Variants in SMAD3 observed in about 807,000 individuals in gnomAD.
SMAD3 encodes SMAD family member 3, also known as MAD homolog 3.
A neutral mutation model predicts 51.8 loss-of-function variants in SMAD3; 12 were observed. The observed-to-expected ratio is 0.23, with a 90% CI of 0.15 to 0.38. The LOEUF (loss-of-function observed/expected upper bound fraction) is 0.38. Ranked by LOEUF, SMAD3 falls within the 10% of genes least tolerant of loss-of-function variation. SMAD3 has a pLI of 1.00. For missense variants in SMAD3, 294 were observed against 565.6 expected (o/e 0.52, Z 4.87); for synonymous variants, 238 against 227.7 (o/e 1.05, Z -0.41).
intron 1 of SMAD3, among the ~76,000 whole-genome samples, chr15:67,082,368 G>A (rs1225075084): frequency 6.6e-6 from 1 of 152,152 alleles, no homozygotes; most frequent in African/African-American, 2.4e-5. Flanking sequence ...CCCTCCACCA[G>A]TCTTATTTTC....
At chr15:67,091,183 G>C (rs1185524155) in intron 1 of SMAD3, among the ~76,000 whole-genome samples, 2 of 152,232 alleles carry the variant, frequency 1.3e-5, no homozygotes, top group Non-Finnish European at 2.9e-5. Context: ...TGGTGGGCAT[G>C]GCTGAACCAA....
At chr15:67,070,198 C>T (rs538545889) in intron 1 of SMAD3, among the ~76,000 whole-genome samples, 1 of 152,246 alleles carries the variant, frequency 6.6e-6, no homozygotes, top group African/African-American at 2.4e-5. Context: ...CCGTGTGGCC[C>T]ATTGGAAGCA....
At chr15:67,131,476 G>A (rs1595918017) in intron 1 of SMAD3, among the ~76,000 whole-genome samples, 3 of 152,316 alleles carry the variant, frequency 2.0e-5, no homozygotes, top group South Asian at 2.1e-4. Flanking sequence ...ACTTTTAGGA[G>A]CAATCACAGT....
intron 1 of SMAD3, among the ~76,000 whole-genome samples, chr15:67,141,435 A>C (rs1335391069): frequency 1.3e-5 from 2 of 152,140 alleles, no homozygotes; most frequent in Non-Finnish European, 2.9e-5. Flanking sequence ...AATGTTGGGG[A>C]AAGACCTGGG....
chr15:67,181,936 A>G (rs71400361), intron 6 of SMAD3, among the ~76,000 whole-genome samples: 6,105 of 152,026 alleles, frequency 0.04, 207 homozygotes, highest in South Asian at 0.18. Flanking sequence ...CAGGCACCCA[A>G]CCACCACGCC....
intron 7 of SMAD3, 112 bp from the exon 8 acceptor site, chr15:67,187,253 G>A (rs1424178249): frequency 8.0e-7 from 1 of 1,251,926 alleles, no homozygotes; most frequent in East Asian, 2.3e-5. Flanking sequence ...TGTGTCCCTG[G>A]AGCTGTATAA....
At chr15:67,116,693 G>C (rs1961142819) in intron 1 of SMAD3, among the ~76,000 whole-genome samples, 1 of 152,196 alleles carries the variant, frequency 6.6e-6, no homozygotes, top group South Asian at 2.1e-4. Flanking sequence ...GGACCTAAAT[G>C]GGCACAGTGA....
intron 6 of SMAD3, among the ~76,000 whole-genome samples, chr15:67,183,994 C>T (rs1465683049): frequency 6.6e-6 from 1 of 151,840 alleles, no homozygotes; most frequent in Non-Finnish European, 1.5e-5. Flanking sequence ...GTGAAGAGAC[C>T]AAATAATAGT....
At chr15:67,116,374 G>T (rs1234033630) in intron 1 of SMAD3, among the ~76,000 whole-genome samples, 1 of 152,232 alleles carries the variant, frequency 6.6e-6, no homozygotes, top group Non-Finnish European at 1.5e-5. Flanking sequence ...AGGCCTTCAA[G>T]GCTTGTAGAA....
At chr15:67,184,970 T>G in intron 7 of SMAD3, 106 bp downstream of exon 7, 1 of 1,421,598 alleles carries the variant, frequency 7.0e-7, no homozygotes, top group Non-Finnish European at 9.9e-7. Context: ...CACTCATGAT[T>G]GCGTTGTCAA....
At chr15:67,096,303 C>G (rs747590876) in intron 1 of SMAD3, among the ~76,000 whole-genome samples, 1 of 152,194 alleles carries the variant, frequency 6.6e-6, no homozygotes, top group African/African-American at 2.4e-5. Flanking sequence ...AGAATGGACA[C>G]ATAGCGAGAA....
In SMAD3 at chr15:67,192,072, A is replaced by T; in HGVS notation, c.*1536A>T. 1 of 232,470 alleles carries T rather than the reference A, an allele frequency of 4.3e-6. No individual in the cohort carries two copies. 14.4% of individuals were successfully genotyped at this position (232,470 alleles called of 1,614,324 possible). ...ATGACCTATCCCACGTTTTTGCATG[A>T]ATTTATAGCAGGAAAAATCAAGGGA... On this transcript the variant is annotated 3_prime_UTR_variant, in exon 9 of 9. Transcript: ENST00000327367.
intron 6 of SMAD3, among the ~76,000 whole-genome samples, chr15:67,183,738 G>A (rs147545600): frequency 6.6e-6 from 1 of 152,192 alleles, no homozygotes; most frequent in Admixed American, 6.5e-5. Context: ...CATTGTCAGA[G>A]TTTACGCAAC....
At position 67,181,433 on chromosome 15, in the gene SMAD3, A is replaced by G. The variant is rs1566999610; in HGVS notation, c.851A>G (p.Glu284Gly). The change falls in exon 6 of 9, where the codon GAG (glutamate) becomes GGG (glycine). Residue 284 changes from glutamate to glycine, a missense_variant. Around this residue, in one of 3 missense-constraint regions of SMAD3, gnomAD observed 118 missense variants for 278.0 expected, o/e 0.42. Transcript: ENST00000327367. Reference sequence around the variant, plus strand: ...AATGTCAACAGGAATGCAGCAGTGGAGCTGACACGGAGACACATCGGTATG... The same window carrying G: ...AATGTCAACAGGAATGCAGCAGTGGGGCTGACACGGAGACACATCGGTATG... ...LSNVNRNAAV[E>G]LTRRHIGRGV... 6.2e-7 allele frequency: 1 copy of G among 1,613,544 alleles called. No individual in the cohort carries two copies. Among genetic ancestry groups the G allele is most frequent in the Non-Finnish European group, 8.5e-7 (1 of 1,179,958 alleles).
At chr15:67,086,611 A>C (rs954942535) in intron 1 of SMAD3, among the ~76,000 whole-genome samples, 1 of 152,184 alleles carries the variant, frequency 6.6e-6, no homozygotes, top group African/African-American at 2.4e-5. Flanking sequence ...ACAAATAACA[A>C]GGTTTGAGAT....
At chr15:67,134,120 AC>A (rs1243173879) in intron 1 of SMAD3, among the ~76,000 whole-genome samples, 1 of 152,102 alleles carries the variant, frequency 6.6e-6, no homozygotes, top group Non-Finnish European at 1.5e-5. Flanking sequence ...GCTGGTGCTT[AC>A]CGAGTGCCAC....
At chr15:67,170,759 A>G in intron 5 of SMAD3, 155 bp downstream of exon 5, 1 of 647,100 alleles carries the variant, frequency 1.5e-6, no homozygotes, top group East Asian at 2.7e-5. Flanking sequence ...GGTGATGTTG[A>G]GGTCACCACG....
Position 67,086,671 on chromosome 15 carries a change from G to A in SMAD3, c.206+20311G>A, listed in dbSNP as rs115883130. Among the ~76,000 whole-genome samples, 206 of 152,272 alleles carry A rather than the reference G, an allele frequency of 1.4e-3. 1 individual carries two copies. Among genetic ancestry groups the A allele is most frequent in the African/African-American group, 4.7e-3 (194 of 41,542 alleles). On this transcript the variant is annotated intron_variant, in intron 1 of 8. Transcript: ENST00000327367. Reference sequence around the variant, plus strand: ...TAGGTTGCTATTTTCTCAGCTCAATGAGGAATCTGTCAAGGCACTCTTAGA... The same window carrying A: ...TAGGTTGCTATTTTCTCAGCTCAATAAGGAATCTGTCAAGGCACTCTTAGA...
chr15:67,119,740 A>G (rs1961217429), intron 1 of SMAD3, among the ~76,000 whole-genome samples: 1 of 152,190 alleles, frequency 6.6e-6, no homozygotes, highest in Admixed American at 6.5e-5. Context: ...GCAAGTTGAT[A>G]TTTTTAAAGT....
Sources: gnomAD v4.1 joint callset for allele counts (sites outside exome capture counted in the v4.1 genomes callset) on GRCh38, gnomAD v4.1.1 for gene constraint, gnomAD v4.1.1 regional missense constraint, MANE v1.5 for transcripts, NCBI Gene and HGNC (gene_info 2026-07-23, HGNC 2026-07-21) for gene names.